The following RHOT1 variants were observed in gnomAD, a reference collection of about 807,000 sequenced individuals.
RHOT1 encodes mitochondrial Rho GTPase 1.
RHOT1 carries 27 observed loss-of-function variants against 95.3 expected under a neutral mutation model. The observed-to-expected ratio is 0.28, with a 90% CI of 0.21 to 0.39. RHOT1 has a LOEUF of 0.39. Ranked by LOEUF, RHOT1 falls within the 10% of genes least tolerant of loss-of-function variation. The pLI, the probability that RHOT1 is intolerant of heterozygous loss-of-function variation, is 1.00. For synonymous variants in RHOT1, 227 were observed against 263.5 expected, an observed-to-expected ratio of 0.86 and a Z score of 1.34; for missense variants, 578 against 786.7, an observed-to-expected ratio of 0.73 and a Z score of 3.17.
chr17:32,209,539 G>C (rs1354283538), intron 18 of RHOT1: 2 of 742,520 alleles, frequency 2.7e-6, no homozygotes, highest in Non-Finnish European at 4.5e-6. Flanking sequence ...TTAACATTTA[G>C]TAATTATGTA....
At chr17:32,166,292 T>C (rs1004704023) in intron 1 of RHOT1, among the ~76,000 whole-genome samples, 4 of 152,164 alleles carry the variant, frequency 2.6e-5, no homozygotes, top group Admixed American at 2.6e-4. Context: ...TACTTTATTG[T>C]CAAAAAATGC....
chr17:32,161,248 C>T (rs961532843), intron 1 of RHOT1, among the ~76,000 whole-genome samples: 7 of 152,130 alleles, frequency 4.6e-5, no homozygotes, highest in African/African-American at 7.2e-5. Context: ...ATGAAATCAT[C>T]GGGATGTGGA....
intron 1 of RHOT1, among the ~76,000 whole-genome samples, chr17:32,144,458 G>A (rs1283521645): frequency 6.6e-6 from 1 of 152,170 alleles, no homozygotes; most frequent in South Asian, 2.1e-4. Flanking sequence ...TGAAGCAGGA[G>A]AATCACTTGA....
intron 16 of RHOT1, among the ~76,000 whole-genome samples, chr17:32,205,200 A>T (rs1461967545): frequency 1.3e-5 from 2 of 151,076 alleles, no homozygotes; most frequent in African/African-American, 2.4e-5. Context: ...CCTGTGTGTG[A>T]TGTTCCCCTC....
chr17:32,194,613 G>A (rs950718197), intron 11 of RHOT1, among the ~76,000 whole-genome samples: 2 of 152,028 alleles, frequency 1.3e-5, no homozygotes, highest in African/African-American at 2.4e-5. Context: ...TCTTCTTGTC[G>A]AGACTACAAG....
In RHOT1 at chr17:32,184,340, G is replaced by A. The variant is rs986995031; in HGVS notation, c.540+1068G>A. On this transcript the variant is annotated intron_variant, in intron 8 of 19. Transcript: ENST00000545287. ...ATATAAATGGACTCATACCATATGT[G>A]ACCTTTTGTTTCTGGCTTCTTTTAC... 2.6e-5 allele frequency among the ~76,000 whole-genome samples: 4 copies of A among 152,182 alleles called. No homozygotes were observed. In the East Asian group the frequency reaches 7.7e-4, roughly 29 times the overall value.
chr17:32,152,192 G>C (rs974496906), intron 1 of RHOT1, among the ~76,000 whole-genome samples: 1 of 152,184 alleles, frequency 6.6e-6, no homozygotes, highest in African/African-American at 2.4e-5. Flanking sequence ...CTTGATTATT[G>C]TTGTCTTTAC....
rs148224886 is a variant in RHOT1 at position 32,168,334 on chromosome 17, C to T, written c.38-2709C>T. Among the ~76,000 whole-genome samples, 510 of 152,170 alleles carry T rather than the reference C, an allele frequency of 3.4e-3. 3 individuals carry two copies. The highest frequency in any genetic ancestry group is 3.6e-3 in the Non-Finnish European group (243 of 68,018). On this transcript the variant is annotated intron_variant, in intron 1 of 19. Transcript: ENST00000545287. Reference sequence around the variant, plus strand: ...CCCGGCTGGAGTGCAATGGTAAGATCATGGTGCTCTGTGTGGCCTCCAACT... The same window carrying T: ...CCCGGCTGGAGTGCAATGGTAAGATTATGGTGCTCTGTGTGGCCTCCAACT...
Position 32,224,786 on chromosome 17 carries a change from G to C in RHOT1, c.*53G>C. 1 of 1,065,300 alleles carries C rather than the reference G, an allele frequency of 9.4e-7. No individual in the cohort carries two copies. Among genetic ancestry groups the C allele is most frequent in the Non-Finnish European group, 1.4e-6 (1 of 704,882 alleles). 66.0% of individuals were successfully genotyped at this position (1,065,300 alleles called of 1,614,324 possible). The stretch of plus-strand genomic sequence containing the variant: ...AAACAAATACTTTTATGTACATTCT[G>C]AATGCTTTAAGTTCTGCTAGAATTA... On this transcript the variant is annotated 3_prime_UTR_variant, in exon 20 of 20. Coordinates refer to ENST00000545287, the MANE Select transcript of RHOT1 (RefSeq NM_001033566.3).
At chr17:32,191,042 T>C (rs748561649) in intron 8 of RHOT1, among the ~76,000 whole-genome samples, 3 of 152,136 alleles carry the variant, frequency 2.0e-5, no homozygotes, top group Non-Finnish European at 4.4e-5. Context: ...TGATCTGCAC[T>C]CCTCGGCCTC....
intron 1 of RHOT1, among the ~76,000 whole-genome samples, chr17:32,143,647 A>G (rs1015343960): frequency 7.2e-5 from 11 of 152,192 alleles, no homozygotes; most frequent in Non-Finnish European, 1.3e-4. Context: ...CTGTTCACTG[A>G]CATGAGGACG....
intron 2 of RHOT1, among the ~76,000 whole-genome samples, chr17:32,172,131 A>G (rs1029147096): frequency 6.6e-6 from 1 of 152,230 alleles, no homozygotes; most frequent in Non-Finnish European, 1.5e-5. Context: ...AGATAGGAAT[A>G]TCTGTATAAT....
At chr17:32,191,222 T>A (rs1478962297) in intron 8 of RHOT1, among the ~76,000 whole-genome samples, 3 of 152,218 alleles carry the variant, frequency 2.0e-5, no homozygotes, top group Admixed American at 6.5e-5. Context: ...ATAGAAGGGG[T>A]TAACTGTGTA....
Position 32,206,104 on chromosome 17 carries a change from C to T in RHOT1, c.1417-806C>T, listed in dbSNP as rs186978757. Among the ~76,000 whole-genome samples the T allele has an allele frequency of 2.0e-4, 30 of 151,818 alleles. No individual in the cohort carries two copies. In the East Asian group the frequency reaches 5.4e-3, roughly 27 times the overall value. ...GGCAGCTGACTTAATCTTTCTAGCC[C>T]GTCTCCTTATCTGCAGAATGTAAAC... is the stretch of plus-strand genomic sequence containing the variant. On this transcript the variant is annotated intron_variant, in intron 16 of 19. Transcript: ENST00000545287.
At chr17:32,220,319 A>T (rs2038748848) in intron 19 of RHOT1, among the ~76,000 whole-genome samples, 1 of 152,210 alleles carries the variant, frequency 6.6e-6, no homozygotes, top group Non-Finnish European at 1.5e-5. Context: ...CTAGGATTGC[A>T]CCACTGCACT....
intron 18 of RHOT1, chr17:32,209,238 C>T: frequency 1.6e-5 from 8 of 499,384 alleles, no homozygotes; most frequent in Admixed American, 7.7e-5. Context: ...TGCAACAAAC[C>T]CTTGAATTTC....
chr17:32,220,852 TTTGTTGCCTTGGGTAACATAAATGA>T (rs1396716370), intron 19 of RHOT1, among the ~76,000 whole-genome samples: 1 of 151,624 alleles, frequency 6.6e-6, no homozygotes, highest in Non-Finnish European at 1.5e-5. Context: ...GACCTTTTAA[TTTGTTGCCTTGGGTAACATAAATGA>T]TTTTTTTTCT....
At chr17:32,187,332 G>A (rs2036137692) in intron 8 of RHOT1, among the ~76,000 whole-genome samples, 1 of 151,970 alleles carries the variant, frequency 6.6e-6, no homozygotes, top group Admixed American at 6.6e-5. Context: ...TGCCCAGGCT[G>A]GTCTTGAACT....
chr17:32,206,609 A>T (rs1378862610), intron 16 of RHOT1, among the ~76,000 whole-genome samples: 1 of 150,626 alleles, frequency 6.6e-6, no homozygotes, highest in Non-Finnish European at 1.5e-5. Context: ...CCGCCACCAC[A>T]CCTGGCTAAT....
Sources: gnomAD v4.1 joint callset for allele counts (sites outside exome capture counted in the v4.1 genomes callset) on GRCh38, gnomAD v4.1.1 for gene constraint, MANE v1.5 for transcripts, NCBI Gene and HGNC (gene_info 2026-07-23, HGNC 2026-07-21) for gene names.